AREL1: variants seen among roughly 807,000 people sequenced by gnomAD.
The protein encoded by AREL1 is apoptosis resistant E3 ubiquitin protein ligase 1, also known as apoptosis-resistant E3 ubiquitin protein ligase 1.
AREL1 carries 62 observed loss-of-function variants against 99.0 expected under a neutral mutation model. The ratio of observed to expected loss-of-function variants is 0.63; its 90% CI spans 0.51 to 0.77. The LOEUF (loss-of-function observed/expected upper bound fraction) is 0.77. Among genes scored for constraint, AREL1 ranks in the 30% least tolerant of loss-of-function variants. The pLI is 0.00. For synonymous variants in AREL1, 380 were observed against 376.5 expected, an observed-to-expected ratio of 1.01 and a Z score of -0.11; for missense variants, 879 against 1,027.6, an observed-to-expected ratio of 0.86 and a Z score of 1.98.
intron 3 of AREL1, 142 bp from the exon 4 acceptor site, chr14:74,684,822 C>T (rs1178319554): frequency 4.3e-6 from 3 of 705,818 alleles, no homozygotes; most frequent in East Asian, 2.8e-5. Flanking sequence ...GCACTGGGCA[C>T]TACCTCTGTA....
At chr14:74,711,492 G>A (rs2090287507) in intron 1 of AREL1, among the ~76,000 whole-genome samples, 1 of 152,046 alleles carries the variant, frequency 6.6e-6, no homozygotes, top group Admixed American at 6.6e-5. Context: ...GCTGTGAGCC[G>A]AGATTGCGCC....
intron 18 of AREL1, 136 bp from the exon 19 acceptor site, chr14:74,664,210 T>C (rs1305210112): frequency 3.1e-6 from 3 of 966,694 alleles, no homozygotes; most frequent in East Asian, 5.3e-5. Context: ...TAGGAACAGT[T>C]TGACAAGCAC....
intron 7 of AREL1, 46 bp downstream of exon 7, chr14:74,676,095 A>G (rs1195367258): frequency 6.3e-7 from 1 of 1,588,378 alleles, no homozygotes; most frequent in East Asian, 2.2e-5. Flanking sequence ...ACAGGCAAAG[A>G]AACGGCTGAA....
intron 5 of AREL1, chr14:74,678,204 T>C: frequency 2.2e-6 from 1 of 455,056 alleles, no homozygotes. Flanking sequence ...TTATAAGAGC[T>C]ACAGTAATCA....
At chr14:74,697,193 T>G (rs928178404) in intron 1 of AREL1, among the ~76,000 whole-genome samples, 22 of 151,990 alleles carry the variant, frequency 1.4e-4, no homozygotes, top group African/African-American at 5.3e-4. Context: ...AAAAACATGA[T>G]GTAAAAGTCC....
rs138398700 is a variant in AREL1, at chr14:74,672,736, CAAACAAAAACAA to C, written c.1422+83_1422+94del. 2,620 of 1,551,062 alleles carry C rather than the reference CAAACAAAAACAA, an allele frequency of 1.7e-3. 21 individuals are homozygous for C. The African/African-American group carries it at 0.022, about 13-fold the overall frequency. ...GGCAATAGAGTGAGACCCTATCTCCCAAACAAAAACAAAAACAAAAACAGTAACCTGCAGAAT... is the reference window on the plus strand; with the variant it reads ...GGCAATAGAGTGAGACCCTATCTCCCAAACAAAAACAGTAACCTGCAGAAT... On this transcript the variant is annotated intron_variant, in intron 11 of 19. Coordinates refer to ENST00000356357, the MANE Select transcript of AREL1 (RefSeq NM_001039479.2).
At chr14:74,678,138 A>G (rs2089536337) in intron 5 of AREL1, 3 of 449,192 alleles carry the variant, frequency 6.7e-6, no homozygotes, top group South Asian at 4.8e-5. Flanking sequence ...TAGAATACTA[A>G]AACAATTTTG....
At position 74,664,000 on chromosome 14, in the gene AREL1, T is replaced by C. The variant is rs2089149666; in HGVS notation, c.2268A>G (p.Thr756=). The change falls in exon 19 of 20, where the codon ACA becomes ACG. Residue 756 remains threonine, a synonymous_variant. Coordinates refer to ENST00000356357, the MANE Select transcript of AREL1 (RefSeq NM_001039479.2). The part of the protein sequence containing the change: ...EELARLLQFT[T]GSSQLPPGGF... ...CTCCAGGTGGTAGCTGAGAGGAGCC[T>C]GTTGTGAACTGAAGTAGCCGAGCCA... 1 of 1,614,036 alleles carries C rather than the reference T, an allele frequency of 6.2e-7. No individual in the cohort carries two copies. Among genetic ancestry groups the C allele is most frequent in the Non-Finnish European group, 8.5e-7 (1 of 1,180,030 alleles).
chr14:74,665,580 C>T (rs1263585317), intron 17 of AREL1, among the ~76,000 whole-genome samples: 1 of 152,142 alleles, frequency 6.6e-6, no homozygotes, highest in Non-Finnish European at 1.5e-5. Flanking sequence ...TGTCAATGAC[C>T]TTTCCTTTTT....
intron 1 of AREL1, among the ~76,000 whole-genome samples, chr14:74,700,277 A>G (rs2090059837): frequency 6.6e-6 from 1 of 152,234 alleles, no homozygotes; most frequent in African/African-American, 2.4e-5. Context: ...TCCATATTTT[A>G]TAGATTAGGA....
At chr14:74,694,179 TA>T (rs1193465884) in intron 1 of AREL1, among the ~76,000 whole-genome samples, 1 of 73,366 alleles carries the variant, frequency 1.4e-5, no homozygotes, top group Non-Finnish European at 2.4e-5. Flanking sequence ...AGTCTCAAAA[TA>T]AATAAATAAA....
chr14:74,698,468 T>A (rs921884759), intron 1 of AREL1, among the ~76,000 whole-genome samples: 1 of 152,372 alleles, frequency 6.6e-6, no homozygotes, highest in African/African-American at 2.4e-5. Context: ...TATAGGTTCC[T>A]CTTCATCGTT....
At chr14:74,676,952 A>G (rs1388551639) in intron 5 of AREL1, among the ~76,000 whole-genome samples, 200 bp from the exon 6 acceptor site, 1 of 151,954 alleles carries the variant, frequency 6.6e-6, no homozygotes, top group Non-Finnish European at 1.5e-5. Flanking sequence ...GCCCGCCACC[A>G]TGCCCAGAGA....
At chr14:74,683,190 T>G in intron 5 of AREL1, 106 bp downstream of exon 5, 1 of 777,304 alleles carries the variant, frequency 1.3e-6, no homozygotes, top group Non-Finnish European at 2.0e-6. Flanking sequence ...TTTTATGGCA[T>G]GGGAATTAAA....
At chr14:74,682,626 T>C (rs1441356076) in intron 5 of AREL1, among the ~76,000 whole-genome samples, 18 of 152,240 alleles carry the variant, frequency 1.2e-4, no homozygotes, top group Non-Finnish European at 2.5e-4. Context: ...TGTTGAAATG[T>C]GATTCCCAGT....
In AREL1 at chr14:74,684,600, G is replaced by A; in HGVS notation, c.97C>T (p.Leu33Phe). The change falls in exon 4 of 20, where the codon CTC becomes TTC. Residue 33 changes from leucine (L) to phenylalanine (F), a missense_variant. Coordinates refer to ENST00000356357, the MANE Select transcript of AREL1 (RefSeq NM_001039479.2). ...FELAARVVSF[L>F]QNEDRERRGD... Reference sequence around the variant, plus strand: ...CGGCGCTCGCGGTCCTCATTCTGGAGGAAGCTGACTACACGTGCGGCAAGC... The same window carrying A: ...CGGCGCTCGCGGTCCTCATTCTGGAAGAAGCTGACTACACGTGCGGCAAGC... 6.2e-7 allele frequency: 1 copy of A among 1,614,170 alleles called. No individual in the cohort carries two copies.
chr14:74,696,721 T>C (rs531998248), intron 1 of AREL1, among the ~76,000 whole-genome samples: 1 of 152,160 alleles, frequency 6.6e-6, no homozygotes, highest in South Asian at 2.1e-4. Flanking sequence ...TCCCAGCACT[T>C]TGGGAGGCCA....
intron 1 of AREL1, among the ~76,000 whole-genome samples, chr14:74,697,361 G>A (rs182413174): frequency 6.6e-6 from 1 of 152,202 alleles, no homozygotes; most frequent in African/African-American, 2.4e-5. Flanking sequence ...CATGAGTCCA[G>A]GGACATGAAC....
rs1375537961 is a variant in AREL1, at chr14:74,683,299, G to A, written c.478C>T (p.Pro160Ser). The A allele has an allele frequency of 2.5e-6, 4 of 1,608,728 alleles. No homozygotes were observed. The highest frequency in any genetic ancestry group is 3.3e-5 in the Admixed American group (2 of 59,778). The stretch of plus-strand genomic sequence containing the variant: ...AAGAAAGGAAAAAAGAACCTACCAG[G>A]TTGAAAAATTTTGTAGTAGGGACTA... The part of the protein sequence containing the change: ...AYSPYYKIFQ[P>S]GMVVPSKTKI... Residue 160 changes from proline to serine, a missense_variant, in exon 5 of 20, where the codon CCT becomes TCT. Coordinates refer to ENST00000356357, the MANE Select transcript of AREL1 (RefSeq NM_001039479.2).
Sources: allele counts gnomAD v4.1 joint callset (sites outside exome capture counted in the v4.1 genomes callset), GRCh38; gene constraint gnomAD v4.1.1; transcripts MANE v1.5; gene names NCBI Gene and HGNC (gene_info 2026-07-23, HGNC 2026-07-21).